Variants in MUC13 observed in about 807,000 individuals in gnomAD.
MUC13 encodes mucin 13, cell surface associated.
Under a neutral mutation model 48.3 loss-of-function variants are expected in MUC13, and 32 were observed. That is an observed-to-expected ratio of 0.66 (90% CI 0.50 to 0.89). The LOEUF (loss-of-function observed/expected upper bound fraction) is 0.89, where lower values mean the gene tolerates loss of function less well. MUC13 is among the 40% of genes least tolerant of loss of function. The pLI, the probability that MUC13 is intolerant of heterozygous loss-of-function variation, is 0.00. For synonymous variants in MUC13, 199 were observed against 224.9 expected (o/e 0.88, Z 1.03); for missense variants, 571 against 622.8 (o/e 0.92, Z 0.88).
intron 4 of MUC13, 122 bp from the exon 5 acceptor site, chr3:124,920,411 G>A (rs1935575544): frequency 2.7e-6 from 2 of 742,722 alleles, no homozygotes; most frequent in South Asian, 3.8e-5. Context: ...CAACTGGGTA[G>A]AAAATGGACC....
At chr3:124,909,407 T>C (rs979256905) in intron 10 of MUC13, among the ~76,000 whole-genome samples, 2 of 152,030 alleles carry the variant, frequency 1.3e-5, no homozygotes, top group Non-Finnish European at 2.9e-5. Flanking sequence ...ATGAATGAAC[T>C]CTAGTGCCCC....
intron 1 of MUC13, among the ~76,000 whole-genome samples, chr3:124,934,185 C>T (rs1414256056): frequency 6.6e-6 from 1 of 152,118 alleles, no homozygotes; most frequent in Non-Finnish European, 1.5e-5. Context: ...TCCCCCCACC[C>T]CTACAAGATG....
In MUC13 at chr3:124,913,198, TTG is replaced by T. The variant is rs1361970414; in HGVS notation, c.1125_1126del (p.His375GlnfsTer13). On this transcript the variant is annotated frameshift_variant, in exon 8 of 12. Coordinates refer to ENST00000616727, the MANE Select transcript of MUC13 (RefSeq NM_033049.4). LOFTEE classifies it high-confidence loss of function. ...ACCACTCTTCTTTATTAAGCATTGC[TTG>T]TGCTGTGCGTTGCAGGCATCAGGAC... is the stretch of plus-strand genomic sequence containing the variant. 1 of 1,614,106 alleles carries T rather than the reference TTG, an allele frequency of 6.2e-7. No homozygotes were observed.
At chr3:124,914,970 G>C (rs1214230763) in intron 6 of MUC13, among the ~76,000 whole-genome samples, 2 of 152,034 alleles carry the variant, frequency 1.3e-5, no homozygotes, top group African/African-American at 4.8e-5. Flanking sequence ...GATGAAGAAA[G>C]GAGTCTTAGA....
At chr3:124,928,916 G>A (rs1452925167) in intron 1 of MUC13, among the ~76,000 whole-genome samples, 2 of 152,070 alleles carry the variant, frequency 1.3e-5, no homozygotes, top group African/African-American at 4.8e-5. Context: ...GAAAGGTTAG[G>A]GTTGGGTAAT....
At chr3:124,918,433 TC>T (rs1935541758) in intron 5 of MUC13, among the ~76,000 whole-genome samples, 3 of 152,086 alleles carry the variant, frequency 2.0e-5, no homozygotes, top group African/African-American at 7.2e-5. Context: ...GTTTTGGGGA[TC>T]CCCCAAATGA....
intron 10 of MUC13, 142 bp from the exon 11 acceptor site, chr3:124,908,490 G>C (rs1022375835): frequency 9.9e-6 from 7 of 707,822 alleles, no homozygotes; most frequent in African/African-American, 1.8e-5. Context: ...ATATTACGGC[G>C]TTCTCACACA....
intron 2 of MUC13, among the ~76,000 whole-genome samples, chr3:124,927,268 A>T (rs1338923754): frequency 6.6e-6 from 1 of 152,218 alleles, no homozygotes; most frequent in African/African-American, 2.4e-5. Flanking sequence ...ACAAAGCCCA[A>T]GTTCATTAAA....
At chr3:124,908,390 A>C (rs1372925290) in intron 10 of MUC13, 42 bp from the exon 11 acceptor site, 1 of 1,426,190 alleles carries the variant, frequency 7.0e-7, no homozygotes, top group African/African-American at 1.4e-5. Context: ...AATGGCAGAA[A>C]GTTTCTTGAA....
chr3:124,907,485 G>A (rs895700621), intron 11 of MUC13, among the ~76,000 whole-genome samples: 2 of 152,154 alleles, frequency 1.3e-5, no homozygotes, highest in Non-Finnish European at 1.5e-5. Flanking sequence ...AGGCATAGCG[G>A]CATGTGCCTG....
rs561064328 is a variant in MUC13, at chr3:124,919,108, C to T, written c.800+1126G>A. Reference sequence around the variant, plus strand: ...ATCCCAGCACTTTGGGAGGCCGAGGCGGGTGGATCACGAGGTCAGGAGTTC... The same window carrying T: ...ATCCCAGCACTTTGGGAGGCCGAGGTGGGTGGATCACGAGGTCAGGAGTTC... On this transcript the variant is annotated intron_variant, in intron 5 of 11. Transcript: ENST00000616727. Among the ~76,000 whole-genome samples, 1,010 of 151,656 alleles carry T rather than the reference C, an allele frequency of 6.7e-3. 20 individuals carry two copies. Among genetic ancestry groups the T allele is most frequent in the South Asian group, 0.037 (175 of 4,782 alleles).
intron 9 of MUC13, among the ~76,000 whole-genome samples, chr3:124,911,132 T>G (rs1338507780): frequency 1.3e-5 from 2 of 152,254 alleles, no homozygotes; most frequent in Non-Finnish European, 2.9e-5. Context: ...ATTTTGGATA[T>G]ATAGATTAAA....
rs776712797 is a variant in MUC13 at position 124,927,955 on chromosome 3, T to C, written c.91A>G (p.Thr31Ala). Residue 31 changes from threonine (T) to alanine (A), a missense_variant, in exon 2 of 12, where the codon ACA becomes GCA. Coordinates refer to ENST00000616727, the MANE Select transcript of MUC13 (RefSeq NM_033049.4). Reference sequence around the variant, plus strand: ...GTAGGACCACTAGTCGCAGTTTCTGTGGTTGTTACAGCATCAGCTGAGTTG... The same window carrying C: ...GTAGGACCACTAGTCGCAGTTTCTGCGGTTGTTACAGCATCAGCTGAGTTG... ...QGNSADAVTT[T>A]ETATSGPTVA... 3 of 1,576,196 alleles carry C rather than the reference T, an allele frequency of 1.9e-6. No individual in the cohort carries two copies. Among genetic ancestry groups the C allele is most frequent in the Non-Finnish European group, 2.6e-6 (3 of 1,161,542 alleles).
intron 5 of MUC13, among the ~76,000 whole-genome samples, chr3:124,917,352 A>AC (rs1553771481): frequency 6.9e-6 from 1 of 144,764 alleles, no homozygotes; most frequent in East Asian, 2.0e-4. Flanking sequence ...CCTTTTTGAC[A>AC]TTTTTTTTTT....
chr3:124,928,108 G>C, intron 1 of MUC13, 115 bp from the exon 2 acceptor site: 1 of 811,926 alleles, frequency 1.2e-6, no homozygotes, highest in South Asian at 2.1e-5. Context: ...TAGAGGTAGG[G>C]TTTCCCCAAG....
intron 4 of MUC13, among the ~76,000 whole-genome samples, chr3:124,921,893 G>C (rs903765792): frequency 6.6e-6 from 1 of 152,206 alleles, no homozygotes; most frequent in African/African-American, 2.4e-5. Context: ...CAATGGGTAT[G>C]GTATGGCTGG....
At chr3:124,922,159 A>G in intron 4 of MUC13, 38 bp downstream of exon 4, 3 of 1,611,198 alleles carry the variant, frequency 1.9e-6, no homozygotes, top group Non-Finnish European at 2.5e-6. Context: ...GTTAGAACAA[A>G]GAATGCTTTA....
chr3:124,905,921 T>A lies in MUC13; in HGVS notation c.*822A>T, dbSNP rs1935308662. 2 of 152,560 alleles carry A rather than the reference T, an allele frequency of 1.3e-5. No individual in the cohort carries two copies. Among genetic ancestry groups the A allele is most frequent in the Non-Finnish European group, 2.9e-5 (2 of 68,082 alleles). 9.5% of individuals were successfully genotyped at this position (152,560 alleles called of 1,614,324 possible). On this transcript the variant is annotated 3_prime_UTR_variant, in exon 12 of 12. Coordinates refer to ENST00000616727, the MANE Select transcript of MUC13 (RefSeq NM_033049.4). ...CCTAAGGAAGAAGGTGGATCCCAGG[T>A]GCCTCCTCTCTAATTGATCCTCCCC...
At position 124,913,249 on chromosome 3, in the gene MUC13, CAG is replaced by C. The variant is rs1248124992; in HGVS notation, c.1085-11_1085-10del. ...ACACTTGAGACTGGAAGCTTCAAAACAGAATGATTTCTGGGTAATTTTCAGAA... is the reference window on the plus strand; with the variant it reads ...ACACTTGAGACTGGAAGCTTCAAAACAATGATTTCTGGGTAATTTTCAGAA... On this transcript the variant is annotated splice_polypyrimidine_tract_variant and intron_variant, in intron 7 of 11. Transcript: ENST00000616727. 23 of 1,603,892 alleles carry C rather than the reference CAG, an allele frequency of 1.4e-5. No individual in the cohort carries two copies. Among genetic ancestry groups the C allele is most frequent in the Non-Finnish European group, 1.8e-5 (21 of 1,174,646 alleles).
Sources: allele counts gnomAD v4.1 joint callset (sites outside exome capture counted in the v4.1 genomes callset), GRCh38; gene constraint gnomAD v4.1.1; transcripts MANE v1.5; gene names NCBI Gene and HGNC (gene_info 2026-07-23, HGNC 2026-07-21).